Variants in NEO1 observed in about 807,000 individuals in gnomAD.
The protein encoded by NEO1 is neogenin.
A neutral mutation model predicts 159.7 loss-of-function variants in NEO1; 63 were observed. The observed-to-expected ratio is 0.39, with a 90% CI of 0.32 to 0.49. The LOEUF is 0.49. Ranked by LOEUF, NEO1 falls within the 20% of genes least tolerant of loss-of-function variation. NEO1 has a pLI of 0.85. For synonymous variants in NEO1, 633 were observed against 662.0 expected, an observed-to-expected ratio of 0.96 and a Z score of 0.67; for missense variants, 1,615 against 1,831.0, an observed-to-expected ratio of 0.88 and a Z score of 2.15.
At chr15:73,055,055 C>T (rs535441353) in intron 1 of NEO1, among the ~76,000 whole-genome samples, 2 of 151,698 alleles carry the variant, frequency 1.3e-5, no homozygotes, top group Non-Finnish European at 2.9e-5. Flanking sequence ...TATAGACATA[C>T]GGAGGTGGAG....
At chr15:73,080,386 A>G (rs1168815772) in intron 1 of NEO1, among the ~76,000 whole-genome samples, 1 of 152,130 alleles carries the variant, frequency 6.6e-6, no homozygotes, top group African/African-American at 2.4e-5. Flanking sequence ...GGCAGAGACA[A>G]TTTACCCTTA....
At chr15:73,217,806 T>C (rs2037986876) in intron 7 of NEO1, among the ~76,000 whole-genome samples, 1 of 152,246 alleles carries the variant, frequency 6.6e-6, no homozygotes, top group Non-Finnish European at 1.5e-5. Context: ...AAGTTGCTTA[T>C]CAGCTTAAGG....
chr15:73,301,806 T>C (rs8037179), intron 28 of NEO1, among the ~76,000 whole-genome samples: 1,878 of 152,242 alleles, frequency 0.012, 18 homozygotes, highest in Non-Finnish European at 0.02. Context: ...TAGCTGGAAC[T>C]ACAGGCACCC....
At position 73,270,392 on chromosome 15, in the gene NEO1, T is replaced by C. The variant is rs774760330; in HGVS notation, c.2795T>C (p.Val932Ala). Residue 932 changes from valine to alanine, a missense_variant, in exon 18 of 29, where the codon GTG becomes GCG. Around this residue, in one of 3 missense-constraint regions of NEO1, gnomAD observed 126 missense variants for 216.7 expected, o/e 0.58. Coordinates refer to ENST00000261908, the MANE Select transcript of NEO1 (RefSeq NM_002499.4). ...ACACTCTATGAATTCTCTGTGATGGTGACCAAAGGTCGAAGATCAAGTACA... is the reference window on the plus strand; with the variant it reads ...ACACTCTATGAATTCTCTGTGATGGCGACCAAAGGTCGAAGATCAAGTACA... ...PNTLYEFSVMVTKGRRSSTWS... is the reference protein window; with the variant it reads ...PNTLYEFSVMATKGRRSSTWS... 3 of 1,614,220 alleles carry C rather than the reference T, an allele frequency of 1.9e-6. No homozygotes were observed. The South Asian group carries it at 3.3e-5, about 18-fold the overall frequency.
At chr15:73,178,579 A>G (rs2151959136) in intron 7 of NEO1, 152 bp downstream of exon 7, 3 of 814,574 alleles carry the variant, frequency 3.7e-6, no homozygotes, top group Non-Finnish European at 5.2e-6. Context: ...AATCATTTCT[A>G]TTACATAAAA....
chr15:73,269,974 A>C lies in NEO1; in HGVS notation c.2495-36A>C, dbSNP rs749867686. ...TTTATTTTATTTTTGTTTACATTAA[A>C]ATGCCACTTCCCTTTTTAAATTATT... On this transcript the variant is annotated intron_variant, in intron 16 of 28. Transcript: ENST00000261908. 5.3e-6 allele frequency: 8 copies of C among 1,518,044 alleles called. No homozygotes were observed. In the South Asian group the frequency reaches 9.0e-5, roughly 17 times the overall value. The allele number at this position is 1,518,044 out of a possible 1,614,324, so 94.0% of individuals were successfully genotyped here. A position where few individuals can be genotyped will look rare whatever the true frequency, so the allele number is the denominator to read the frequency against.
chr15:73,142,669 C>T (rs1306596374), intron 5 of NEO1, among the ~76,000 whole-genome samples: 1 of 152,098 alleles, frequency 6.6e-6, no homozygotes. Flanking sequence ...GCTCCCCATC[C>T]CCACCTCAGT....
chr15:73,260,941 C>T (rs558036741), intron 15 of NEO1, among the ~76,000 whole-genome samples: 9 of 152,274 alleles, frequency 5.9e-5, no homozygotes, highest in African/African-American at 9.6e-5. Context: ...TCCCTAGTTT[C>T]AGCATCTGTA....
intron 5 of NEO1, among the ~76,000 whole-genome samples, chr15:73,170,229 A>G (rs1596242452): frequency 6.6e-6 from 1 of 152,190 alleles, no homozygotes; most frequent in African/African-American, 2.4e-5. Flanking sequence ...GTTTTCTTTT[A>G]TCATATTGTT....
At chr15:73,260,106 G>A (rs1053085543) in intron 14 of NEO1, among the ~76,000 whole-genome samples, 165 bp from the exon 15 acceptor site, 3 of 150,856 alleles carry the variant, frequency 2.0e-5, no homozygotes, top group African/African-American at 7.3e-5. Flanking sequence ...TAAAATCATG[G>A]GCTGTATTTC....
At chr15:73,186,347 AAAAG>A (rs1452082630) in intron 7 of NEO1, among the ~76,000 whole-genome samples, 2 of 152,082 alleles carry the variant, frequency 1.3e-5, no homozygotes, top group Admixed American at 1.3e-4. Flanking sequence ...GCAACCAAAA[AAAAG>A]GCAACCAAAA....
intron 5 of NEO1, chr15:73,143,525 G>T (rs1178318490): frequency 1.3e-5 from 2 of 152,576 alleles, no homozygotes; most frequent in Non-Finnish European, 2.9e-5. Context: ...CCAGGACATC[G>T]GCGGATGCCG....
chr15:73,065,856 G>A (rs1375178667), intron 1 of NEO1, among the ~76,000 whole-genome samples: 3 of 151,912 alleles, frequency 2.0e-5, no homozygotes, highest in Non-Finnish European at 2.9e-5. Flanking sequence ...TCTCTCTGAT[G>A]GGTTCAGAAA....
intron 4 of NEO1, among the ~76,000 whole-genome samples, chr15:73,129,538 A>G (rs1354194110): frequency 6.6e-6 from 1 of 152,212 alleles, no homozygotes; most frequent in Non-Finnish European, 1.5e-5. Flanking sequence ...CTTTGATCAA[A>G]TTTGTTCAGA....
intron 1 of NEO1, among the ~76,000 whole-genome samples, chr15:73,069,464 T>A (rs913833408): frequency 3.3e-5 from 5 of 152,004 alleles, no homozygotes; most frequent in African/African-American, 9.7e-5. Flanking sequence ...GTTTTTGTTT[T>A]TTAACCCATT....
At chr15:73,090,169 C>CG (rs2069603910) in intron 1 of NEO1, among the ~76,000 whole-genome samples, 5 of 152,064 alleles carry the variant, frequency 3.3e-5, no homozygotes, top group African/African-American at 4.8e-5. Context: ...AGTTGCATAA[C>CG]AATATATATT....
Position 73,298,563 on chromosome 15 carries a change from C to A in NEO1, c.4117C>A (p.Pro1373Thr), listed in dbSNP as rs2042470027. The A allele has an allele frequency of 4.3e-6, 7 of 1,614,102 alleles. No homozygotes were observed. The highest frequency in any genetic ancestry group is 1.7e-5 in the Admixed American group (1 of 60,010). The change falls in exon 27 of 29, where the codon CCC becomes ACC. Residue 1373 changes from proline (P) to threonine (T), a missense_variant. Physicochemically the swap from Pro to Thr is conservative, Grantham distance 38 (BLOSUM62 -1). Around this residue, in one of 3 missense-constraint regions of NEO1, gnomAD observed 471 missense variants for 498.9 expected, o/e 0.94. Coordinates refer to ENST00000261908, the MANE Select transcript of NEO1 (RefSeq NM_002499.4). Reference protein sequence around the residue: ...AVPAIPPPGPPTYDPALPSTP... With the variant: ...AVPAIPPPGPTTYDPALPSTP... ...GCCAGCAATCCCGCCTCCAGGACCT[C>A]CCACCTATGATCCTGCATTGCCAAG...
At chr15:73,268,471 A>G (rs1018016845) in intron 16 of NEO1, among the ~76,000 whole-genome samples, 2 of 152,194 alleles carry the variant, frequency 1.3e-5, no homozygotes, top group African/African-American at 4.8e-5. Context: ...TTCTGTAACT[A>G]ATTGGTATGT....
At chr15:73,074,535 T>G (rs538468553) in intron 1 of NEO1, among the ~76,000 whole-genome samples, 16 of 152,350 alleles carry the variant, frequency 1.1e-4, no homozygotes, top group Admixed American at 2.0e-4. Flanking sequence ...AGAAGTGACT[T>G]CATATAATAT....
Sources: allele counts gnomAD v4.1 joint callset (sites outside exome capture counted in the v4.1 genomes callset), GRCh38; gene constraint gnomAD v4.1.1; regional missense constraint gnomAD v4.1.1; transcripts MANE v1.5; gene names NCBI Gene and HGNC (gene_info 2026-07-23, HGNC 2026-07-21).